Variants in CHRM3 observed in about 807,000 individuals in gnomAD.
CHRM3 encodes the protein cholinergic receptor muscarinic 3.
In CHRM3, 11 loss-of-function variants were observed where a neutral mutation model predicts 41.8. The observed-to-expected ratio is 0.26, with a 90% CI of 0.17 to 0.44. The LOEUF (loss-of-function observed/expected upper bound fraction) is 0.44, where lower values mean the gene tolerates loss of function less well. Ranked by LOEUF, CHRM3 falls within the 20% of genes least tolerant of loss-of-function variation. The pLI is 1.00. For missense variants in CHRM3, 571 were observed against 745.4 expected (o/e 0.77, Z 2.72); for synonymous variants, 297 against 301.4 (o/e 0.99, Z 0.15).
At position 239,748,193 on chromosome 1, in the gene CHRM3, T is replaced by G. The variant is rs1326930736; in HGVS notation, c.-147+69905T>G. On this transcript the variant is annotated intron_variant, in intron 5 of 6. Transcript: ENST00000676153. The surrounding 1 kb of genome is among the most constrained non-coding windows in gnomAD (Gnocchi z 4.3). ...TAAACCACCACTTAAGAAGAAAGTG[T>G]ATACACACCCGTTATCTGCACTAAT... 2.0e-5 allele frequency among the ~76,000 whole-genome samples: 3 copies of G among 152,360 alleles called. No homozygotes were observed. Among genetic ancestry groups the G allele is most frequent in the East Asian group, 3.9e-4 (2 of 5,190 alleles).
At chr1:239,455,966 G>GCC (rs1664901252) in intron 1 of CHRM3, among the ~76,000 whole-genome samples, 1 of 152,122 alleles carries the variant, frequency 6.6e-6, no homozygotes, top group Admixed American at 6.5e-5. Flanking sequence ...CTGTAGACGA[G>GCC]GAAATGGGAG....
intron 3 of CHRM3, among the ~76,000 whole-genome samples, chr1:239,554,068 G>C (rs1398563898): frequency 6.6e-6 from 1 of 152,020 alleles, no homozygotes; most frequent in Non-Finnish European, 1.5e-5. Flanking sequence ...TTTTTTATTT[G>C]TAGTAAAGAC....
chr1:239,575,530 G>GT lies in CHRM3; in HGVS notation c.-313+29785dup, dbSNP rs924261807. ...TGTCTCTGAATTAATAGGGGTTCAT[G>GT]TTTTCTCCTAGGTTGAGCCAGTTTT... On this transcript the variant is annotated intron_variant, in intron 3 of 6. Coordinates refer to ENST00000676153, the MANE Select transcript of CHRM3 (RefSeq NM_001375978.1). 3.7e-4 allele frequency among the ~76,000 whole-genome samples: 56 copies of GT among 152,258 alleles called. 1 individual carries two copies. In the Middle Eastern group the frequency reaches 0.01, roughly 28 times the overall value.
At chr1:239,667,244 A>T (rs765259856) in intron 4 of CHRM3, among the ~76,000 whole-genome samples, 14 of 152,122 alleles carry the variant, frequency 9.2e-5, no homozygotes, top group Non-Finnish European at 1.8e-4. Context: ...ATCCATACAC[A>T]CATACACCCA....
intron 5 of CHRM3, among the ~76,000 whole-genome samples, chr1:239,804,248 C>T (rs533811147): frequency 1.1e-4 from 16 of 152,174 alleles, no homozygotes; most frequent in African/African-American, 2.6e-4. Flanking sequence ...CTGAATAAAA[C>T]GCAGGAGTGA....
intron 5 of CHRM3, among the ~76,000 whole-genome samples, chr1:239,683,795 G>A (rs1658808467): frequency 6.6e-6 from 1 of 151,856 alleles, no homozygotes; most frequent in Non-Finnish European, 1.5e-5. Flanking sequence ...TCATTCTCTT[G>A]CCTCTATTTT....
chr1:239,684,244 C>G (rs373883352), intron 5 of CHRM3, among the ~76,000 whole-genome samples: 55 of 152,228 alleles, frequency 3.6e-4, no homozygotes, highest in African/African-American at 1.3e-3. Flanking sequence ...ATGGCCCAGT[C>G]CCTGGGTGAG....
At position 239,912,642 on chromosome 1, in the gene CHRM3, G is replaced by A. The variant is rs1680430934; in HGVS notation, c.*3418G>A. 1.2e-5 allele frequency: 2 copies of A among 167,156 alleles called. 1 individual carries two copies. Among genetic ancestry groups the A allele is most frequent in the South Asian group, 4.1e-4 (2 of 4,828 alleles). The allele number at this position is 167,156 out of a possible 1,614,324, so 10.4% of individuals were successfully genotyped here. A position where few individuals can be genotyped will look rare whatever the true frequency, so the allele number is the denominator to read the frequency against. ...TTGGCTGTTTCAGCTCTGACTCAGG[G>A]AGGAAAGAAGGATGCCAAGGCTCTG... On this transcript the variant is annotated 3_prime_UTR_variant, in exon 7 of 7. Coordinates refer to ENST00000676153, the MANE Select transcript of CHRM3 (RefSeq NM_001375978.1).
chr1:239,426,482 AAAAG>A (rs1379211298), intron 1 of CHRM3, among the ~76,000 whole-genome samples: 2 of 149,642 alleles, frequency 1.3e-5, no homozygotes, highest in Non-Finnish European at 3.0e-5. Flanking sequence ...AAAAAAAAAA[AAAAG>A]AAAGAAAAAA....
chr1:239,435,596 G>A (rs1214352652), intron 1 of CHRM3, among the ~76,000 whole-genome samples: 1 of 151,890 alleles, frequency 6.6e-6, no homozygotes, highest in Admixed American at 6.6e-5. Flanking sequence ...ATCAATATCT[G>A]ATGTAGGCTA....
chr1:239,852,941 T>C (rs1674816670), intron 6 of CHRM3, among the ~76,000 whole-genome samples: 1 of 152,132 alleles, frequency 6.6e-6, no homozygotes, highest in African/African-American at 2.4e-5. Context: ...ATCTCTCTTA[T>C]AAAAAGTTAA....
intron 3 of CHRM3, among the ~76,000 whole-genome samples, chr1:239,569,157 T>C (rs576011387): frequency 6.6e-6 from 1 of 152,304 alleles, no homozygotes; most frequent in East Asian, 1.9e-4. Flanking sequence ...AATATAATAT[T>C]CCTTCCCCAT....
intron 3 of CHRM3, among the ~76,000 whole-genome samples, chr1:239,593,627 G>A (rs555340203): frequency 1.9e-3 from 294 of 152,110 alleles, no homozygotes; most frequent in Non-Finnish European, 3.3e-3. Flanking sequence ...AGTTCAATAC[G>A]GTAGCAATTC....
intron 1 of CHRM3, among the ~76,000 whole-genome samples, chr1:239,396,911 T>C (rs1395880024): frequency 6.6e-6 from 1 of 152,350 alleles, no homozygotes; most frequent in East Asian, 1.9e-4. Context: ...TTCCAAAAGA[T>C]TGACTGATTT....
chr1:239,856,804 G>T (rs892547436), intron 6 of CHRM3, among the ~76,000 whole-genome samples: 6 of 152,102 alleles, frequency 3.9e-5, no homozygotes, highest in Admixed American at 2.6e-4. Flanking sequence ...GGGAGGAAAT[G>T]GAAAGGAGTT....
intron 3 of CHRM3, among the ~76,000 whole-genome samples, chr1:239,574,005 T>C (rs1662090322): frequency 6.6e-6 from 1 of 152,114 alleles, no homozygotes; most frequent in Non-Finnish European, 1.5e-5. Context: ...TCTAATGCTC[T>C]TTGCCCTGTA....
intron 5 of CHRM3, among the ~76,000 whole-genome samples, chr1:239,781,867 T>TA (rs34637929): frequency 0.84 from 128,159 of 151,942 alleles, 54,219 homozygotes; most frequent in East Asian, 0.87. Flanking sequence ...CATTTATTGA[T>TA]ATAATCAAGT....
intron 2 of CHRM3, among the ~76,000 whole-genome samples, chr1:239,540,191 A>C (rs1040581073): frequency 3.9e-5 from 6 of 152,208 alleles, no homozygotes; most frequent in Non-Finnish European, 7.3e-5. Context: ...TAACTGTATA[A>C]GAAATAAATT....
chr1:239,885,394 G>C (rs1282900976), intron 6 of CHRM3, among the ~76,000 whole-genome samples: 1 of 152,150 alleles, frequency 6.6e-6, no homozygotes, highest in Non-Finnish European at 1.5e-5. Flanking sequence ...AGTTGCTGCT[G>C]CTTGATGCTG....
Sources: allele counts gnomAD v4.1 joint callset (sites outside exome capture counted in the v4.1 genomes callset), GRCh38; gene constraint gnomAD v4.1.1; non-coding constraint Gnocchi (gnomAD v3.1); transcripts MANE v1.5; gene names NCBI Gene and HGNC (gene_info 2026-07-23, HGNC 2026-07-21).